FKBP5: variants seen among roughly 807,000 people sequenced by gnomAD.
The protein encoded by FKBP5 is peptidyl-prolyl cis-trans isomerase FKBP5.
Under a neutral mutation model 50.5 loss-of-function variants are expected in FKBP5, and 23 were observed. The observed-to-expected ratio is 0.46, with a 90% CI of 0.33 to 0.65. The LOEUF (loss-of-function observed/expected upper bound fraction) is 0.65, where lower values mean the gene tolerates loss of function less well. FKBP5 is among the 30% of genes least tolerant of loss of function. The pLI is 0.02. For missense variants in FKBP5, 411 were observed against 553.1 expected (o/e 0.74, Z 2.58); for synonymous variants, 176 against 190.6 (o/e 0.92, Z 0.63).
At chr6:35,623,860 G>T (rs1443804578) in intron 3 of FKBP5, among the ~76,000 whole-genome samples, 4 of 151,896 alleles carry the variant, frequency 2.6e-5, no homozygotes, top group African/African-American at 7.3e-5. Flanking sequence ...AGGACTACAG[G>T]TGAATACCAC....
At chr6:35,663,034 C>T (rs1409147562) in intron 1 of FKBP5, among the ~76,000 whole-genome samples, 3 of 152,136 alleles carry the variant, frequency 2.0e-5, no homozygotes, top group Admixed American at 6.6e-5. Flanking sequence ...TACTTTCAAC[C>T]GGCAAGGGTG....
At chr6:35,580,333 T>C in intron 8 of FKBP5, 112 bp from the exon 9 acceptor site, 1 of 839,574 alleles carries the variant, frequency 1.2e-6, no homozygotes, top group Non-Finnish European at 1.9e-6. Context: ...AGCTGGTTTC[T>C]TTCTTTCCTT....
At chr6:35,674,204 T>C (rs913713208) in intron 1 of FKBP5, among the ~76,000 whole-genome samples, 2 of 152,112 alleles carry the variant, frequency 1.3e-5, no homozygotes, top group African/African-American at 2.4e-5. Context: ...GCCAAAAACA[T>C]TTACAAAAAT....
intron 3 of FKBP5, among the ~76,000 whole-genome samples, chr6:35,631,540 C>G (rs1764152002): frequency 6.6e-6 from 1 of 152,038 alleles, no homozygotes; most frequent in Admixed American, 6.6e-5. Context: ...AAACTATATA[C>G]TTAAAAGGGT....
chr6:35,619,295 C>A, intron 4 of FKBP5, 85 bp from the exon 5 acceptor site: 24 of 746,660 alleles, frequency 3.2e-5, no homozygotes, highest in Non-Finnish European at 3.8e-5. Context: ...CCAATTATTT[C>A]ATTTTACAAA....
chr6:35,625,345 G>A (rs1245864270), intron 3 of FKBP5, among the ~76,000 whole-genome samples: 5 of 151,298 alleles, frequency 3.3e-5, no homozygotes, highest in East Asian at 2.0e-4. Flanking sequence ...TCGGCCTCCC[G>A]AAGTGCTGGG....
rs553805456 is a variant in FKBP5, at chr6:35,575,932, T to C, written c.1277A>G (p.Asn426Ser). Residue 426 changes from asparagine (N) to serine (S), a missense_variant, in exon 11 of 11, where the codon AAT becomes AGT. Asn to Ser is a conservative substitution (Grantham distance 46, BLOSUM62 1). Transcript: ENST00000357266. ...FAEQDAKEEA[N>S]KAMGKKTSEG... ...TGAAGTCTTCTTGCCCATTGCTTTA[T>C]TGGCCTCTTCCTAAGGAAGAAATAA... 3.4e-5 allele frequency: 55 copies of C among 1,609,158 alleles called. No homozygotes were observed. The South Asian group carries it at 4.7e-4, about 14-fold the overall frequency.
intron 1 of FKBP5, among the ~76,000 whole-genome samples, chr6:35,652,333 T>G (rs1346433878): frequency 1.3e-5 from 2 of 152,232 alleles, no homozygotes; most frequent in African/African-American, 4.8e-5. Flanking sequence ...ATAAGAGAGA[T>G]AACCTTAAAC....
intron 5 of FKBP5, among the ~76,000 whole-genome samples, chr6:35,602,146 G>A (rs948266695): frequency 6.7e-6 from 1 of 149,932 alleles, no homozygotes; most frequent in Non-Finnish European, 1.5e-5. Context: ...TTTGTACTCC[G>A]ATTAAAATAG....
intron 2 of FKBP5, among the ~76,000 whole-genome samples, chr6:35,695,185 A>G (rs987215761): frequency 2.6e-5 from 4 of 152,280 alleles, no homozygotes; most frequent in African/African-American, 9.6e-5. Flanking sequence ...TTTTTTCAAG[A>G]CAGAGTCTCG....
intron 1 of FKBP5, among the ~76,000 whole-genome samples, chr6:35,665,503 A>G (rs1323428749): frequency 2.0e-5 from 3 of 152,004 alleles, no homozygotes; most frequent in Non-Finnish European, 2.9e-5. Flanking sequence ...GTTTGCCAGA[A>G]TGGTCTCAAT....
chr6:35,646,910 T>C (rs11963040), intron 1 of FKBP5, among the ~76,000 whole-genome samples: 2,073 of 152,294 alleles, frequency 0.014, 32 homozygotes, highest in African/African-American at 0.042. Flanking sequence ...GTACTAAAAA[T>C]TTCAGTTAAC....
chr6:35,656,827 G>T (rs186311862), intron 1 of FKBP5, among the ~76,000 whole-genome samples: 26 of 151,320 alleles, frequency 1.7e-4, no homozygotes, highest in African/African-American at 6.3e-4. Flanking sequence ...AACCCGGGAG[G>T]TGGAGGTTGC....
chr6:35,613,786 CT>C (rs1258875781), intron 5 of FKBP5, among the ~76,000 whole-genome samples: 1 of 152,174 alleles, frequency 6.6e-6, no homozygotes, highest in Non-Finnish European at 1.5e-5. Flanking sequence ...CCAAGACGGT[CT>C]TTTGAGTGAA....
At chr6:35,581,094 T>C (rs911906798) in intron 8 of FKBP5, 2 of 963,988 alleles carry the variant, frequency 2.1e-6, no homozygotes, top group Non-Finnish European at 2.5e-6. Flanking sequence ...AAACTGTACT[T>C]ACAAAAACAG....
chr6:35,624,635 T>C (rs915961528), intron 3 of FKBP5, among the ~76,000 whole-genome samples: 12 of 152,164 alleles, frequency 7.9e-5, no homozygotes, highest in Non-Finnish European at 1.2e-4. Flanking sequence ...CACTCTACTC[T>C]AGTTGGCCCA....
upstream of FKBP5, among the ~76,000 whole-genome samples, chr6:35,692,901 A>G (rs1365593507): frequency 6.6e-6 from 1 of 151,280 alleles, no homozygotes; most frequent in East Asian, 1.9e-4. Flanking sequence ...ATTCTCAGAC[A>G]TTATATGTTC....
intron 8 of FKBP5, chr6:35,581,979 T>G: frequency 6.1e-6 from 6 of 985,434 alleles, no homozygotes; most frequent in East Asian, 1.1e-4. Context: ...TAAGAGGACA[T>G]GCCTGTGATA....
chr6:35,576,532 A>G (rs1316517671), intron 10 of FKBP5, among the ~76,000 whole-genome samples: 6 of 151,958 alleles, frequency 3.9e-5, no homozygotes, highest in African/African-American at 1.4e-4. Context: ...AAATTAGCCC[A>G]GTGTGGTAGT....
Sources: gnomAD v4.1 joint callset for allele counts (sites outside exome capture counted in the v4.1 genomes callset) on GRCh38, gnomAD v4.1.1 for gene constraint, MANE v1.5 for transcripts, NCBI Gene and HGNC (gene_info 2026-07-23, HGNC 2026-07-21) for gene names.